CDC42EP3: variants seen among roughly 807,000 people sequenced by gnomAD.
CDC42EP3 encodes the protein CDC42 effector protein 3.
In CDC42EP3, 4 loss-of-function variants were observed where a neutral mutation model predicts 15.5. The ratio of observed to expected loss-of-function variants is 0.26; its 90% CI spans 0.13 to 0.59. The LOEUF is 0.59. Ranked by LOEUF, CDC42EP3 falls within the 20% of genes least tolerant of loss-of-function variation. The probability of loss-of-function intolerance (pLI) is 0.89; values close to 1 mark genes in which losing one functional copy is unlikely to be tolerated. For synonymous variants in CDC42EP3, 145 were observed against 130.3 expected, an observed-to-expected ratio of 1.11 and a Z score of -0.77; for missense variants, 309 against 311.2, an observed-to-expected ratio of 0.99 and a Z score of 0.05.
intron 1 of CDC42EP3, among the ~76,000 whole-genome samples, chr2:37,648,601 G>C (rs190298022): frequency 6.6e-6 from 1 of 152,232 alleles, no homozygotes; most frequent in Non-Finnish European, 1.5e-5. Flanking sequence ...GGTATGGGGA[G>C]GAGGCAGAGA....
In CDC42EP3 at chr2:37,663,518, G is replaced by A. The variant is rs12616331; in HGVS notation, c.-236+7908C>T. ...CCAGGGCACGAGAAAGCATTGGTGG[G>A]GGTTGCCAATCTCTCCGCGGAGATC... On this transcript the variant is annotated intron_variant, in intron 1 of 1. Coordinates refer to ENST00000295324, the MANE Select transcript of CDC42EP3 (RefSeq NM_006449.5). 8.3e-3 allele frequency among the ~76,000 whole-genome samples: 1,263 copies of A among 152,268 alleles called. 12 individuals carry two copies. Among genetic ancestry groups the A allele is most frequent in the East Asian group, 0.033 (173 of 5,176 alleles).
chr2:37,657,001 C>CCCCCCCCCCCCCCCCCCCCG (rs1208218676), intron 1 of CDC42EP3, among the ~76,000 whole-genome samples: 6 of 103,258 alleles, frequency 5.8e-5, no homozygotes, highest in Admixed American at 1.2e-4. Context: ...CCCCCCGCCC[C>CCCCCCCCCCCCCCCCCCCCG]CCGCCATCCT....
intron 1 of CDC42EP3, among the ~76,000 whole-genome samples, chr2:37,650,262 C>T (rs1209788466): frequency 6.6e-6 from 1 of 152,226 alleles, no homozygotes; most frequent in Non-Finnish European, 1.5e-5. Context: ...CCACTTCCTT[C>T]TCTCTCCTTT....
At chr2:37,653,552 A>G (rs1665754510) in intron 1 of CDC42EP3, among the ~76,000 whole-genome samples, 1 of 152,206 alleles carries the variant, frequency 6.6e-6, no homozygotes, top group Non-Finnish European at 1.5e-5. Context: ...ACAGGGCAGC[A>G]GCCAGGAGGA....
At chr2:37,669,257 T>C in intron 1 of CDC42EP3, among the ~76,000 whole-genome samples, 1 of 144,278 alleles carries the variant, frequency 6.9e-6, no homozygotes, top group Admixed American at 6.9e-5. Flanking sequence ...AAAAAAAATC[T>C]TTGGGTGATA....
chr2:37,670,780 T>C lies in CDC42EP3; in HGVS notation c.-236+646A>G, dbSNP rs528802762. On this transcript the variant is annotated intron_variant, in intron 1 of 1. Coordinates refer to ENST00000295324, the MANE Select transcript of CDC42EP3 (RefSeq NM_006449.5). Reference sequence around the variant, plus strand: ...AAGTCGAGAGAGGGATAGAGTATAATAATTCATAACGAAAAAATGGCCAGA... The same window carrying C: ...AAGTCGAGAGAGGGATAGAGTATAACAATTCATAACGAAAAAATGGCCAGA... Among the ~76,000 whole-genome samples the C allele has an allele frequency of 2.7e-3, 232 of 86,434 alleles. 2 individuals are homozygous for C. The highest frequency in any genetic ancestry group is 7.8e-3 in the African/African-American group (226 of 29,150). 56.7% of individuals were successfully genotyped at this position (86,434 alleles called of 152,430 possible). A position where few individuals can be genotyped will look rare whatever the true frequency, so the allele number is the denominator to read the frequency against.
rs114356606 is a variant in CDC42EP3 at position 37,663,975 on chromosome 2, C to A, written c.-236+7451G>T. ...AGATCATGAGATCAGGAGATGGAAA[C>A]CATCCTGGCTAAGGCGGTGAAGCCC... On this transcript the variant is annotated intron_variant, in intron 1 of 1. Transcript: ENST00000295324. Among the ~76,000 whole-genome samples the A allele has an allele frequency of 4.3e-3, 651 of 152,128 alleles. 3 individuals are homozygous for A. Among genetic ancestry groups the A allele is most frequent in the African/African-American group, 0.015 (627 of 41,496 alleles).
chr2:37,665,625 A>C (rs1312675996), intron 1 of CDC42EP3, among the ~76,000 whole-genome samples: 1 of 152,202 alleles, frequency 6.6e-6, no homozygotes, highest in Non-Finnish European at 1.5e-5. Context: ...AACTCATGAC[A>C]ACGATCTATC....
intron 1 of CDC42EP3, among the ~76,000 whole-genome samples, chr2:37,654,408 G>T (rs1454800495): frequency 6.6e-6 from 1 of 152,120 alleles, no homozygotes; most frequent in Non-Finnish European, 1.5e-5. Flanking sequence ...GGATCTGAAG[G>T]ATTCATTTAA....
At chr2:37,669,003 C>A (rs1558344981) in intron 1 of CDC42EP3, among the ~76,000 whole-genome samples, 1 of 152,040 alleles carries the variant, frequency 6.6e-6, no homozygotes, top group Non-Finnish European at 1.5e-5. Flanking sequence ...ATAGATTTCT[C>A]ATTCAATCAA....
At chr2:37,656,965 T>C (rs1246359973) in intron 1 of CDC42EP3, among the ~76,000 whole-genome samples, 1 of 142,958 alleles carries the variant, frequency 7.0e-6, no homozygotes, top group African/African-American at 2.6e-5. Context: ...AGATTTGAAT[T>C]GTAAAGTAAC....
At chr2:37,672,731 G>A (rs1666474624), upstream of CDC42EP3, among the ~76,000 whole-genome samples, 1 of 152,218 alleles carries the variant, frequency 6.6e-6, no homozygotes, top group Non-Finnish European at 1.5e-5. Flanking sequence ...GGAGGGGGCT[G>A]GGACCCCTGG....
Position 37,646,630 on chromosome 2 carries a change from C to A in CDC42EP3, c.-43G>T. ...TCTATTTTGCAAGCGGGAGAAAGGG[C>A]CACTTTCTTCACAGATGGTATATGT... On this transcript the variant is annotated 5_prime_UTR_variant, in exon 2 of 2. Transcript: ENST00000295324. 1 of 1,479,400 alleles carries A rather than the reference C, an allele frequency of 6.8e-7. No homozygotes were observed. The highest frequency in any genetic ancestry group is 9.1e-7 in the Non-Finnish European group (1 of 1,102,014). The allele number at this position is 1,479,400 out of a possible 1,614,324, so 91.6% of individuals were successfully genotyped here. A position where few individuals can be genotyped will look rare whatever the true frequency, so the allele number is the denominator to read the frequency against.
At chr2:37,658,646 G>C (rs1223696952) in intron 1 of CDC42EP3, among the ~76,000 whole-genome samples, 1 of 152,106 alleles carries the variant, frequency 6.6e-6, no homozygotes, top group African/African-American at 2.4e-5. Context: ...GTAAATGGCA[G>C]AAGTCACTCA....
chr2:37,647,940 G>C (rs146979077), intron 1 of CDC42EP3, among the ~76,000 whole-genome samples: 12 of 152,264 alleles, frequency 7.9e-5, no homozygotes, highest in African/African-American at 2.9e-4. Context: ...GACCCACACT[G>C]AATCATAACT....
intron 1 of CDC42EP3, chr2:37,647,553 T>G (rs981594747): frequency 2.6e-5 from 4 of 152,202 alleles, no homozygotes; most frequent in African/African-American, 9.7e-5. Flanking sequence ...ATTGTGAATC[T>G]CTATTACAGG....
At chr2:37,664,753 C>T (rs902763783) in intron 1 of CDC42EP3, among the ~76,000 whole-genome samples, 2 of 152,160 alleles carry the variant, frequency 1.3e-5, no homozygotes, top group African/African-American at 4.8e-5. Flanking sequence ...CAGGCACTTG[C>T]GTCAATCAGG....
rs537387326 is a variant in CDC42EP3 at position 37,642,269 on chromosome 2, A to G, written c.*3554T>C. The G allele has an allele frequency of 1.7e-4, 26 of 152,362 alleles. No homozygotes were observed. Among genetic ancestry groups the G allele is most frequent in the African/African-American group, 6.0e-4 (25 of 41,588 alleles). The allele number at this position is 152,362 out of a possible 1,614,324, so 9.4% of individuals were successfully genotyped here. ...TACATGTATTGCTTAGCCAGTACCA[A>G]TAAGTTAACGTCGTGTGAATAATTT... On this transcript the variant is annotated 3_prime_UTR_variant, in exon 2 of 2. Transcript: ENST00000295324.
intron 1 of CDC42EP3, among the ~76,000 whole-genome samples, chr2:37,650,469 C>T (rs574917856): frequency 1.3e-5 from 2 of 152,180 alleles, no homozygotes; most frequent in Non-Finnish European, 2.9e-5. Flanking sequence ...TGATACAAGT[C>T]GGTATTTGTT....
Sources: gnomAD v4.1 joint callset for allele counts (sites outside exome capture counted in the v4.1 genomes callset) on GRCh38, gnomAD v4.1.1 for gene constraint, MANE v1.5 for transcripts, NCBI Gene and HGNC (gene_info 2026-07-23, HGNC 2026-07-21) for gene names.